The following MUC17 variants were observed in gnomAD, a reference collection of about 807,000 sequenced individuals.
The protein encoded by MUC17 is mucin 17, cell surface associated, also known as mucin-17.
A neutral mutation model predicts 170.3 loss-of-function variants in MUC17; 190 were observed. That is an observed-to-expected ratio of 1.12 (90% CI 0.99 to 1.26). The LOEUF (loss-of-function observed/expected upper bound fraction) is 1.26, where lower values mean the gene tolerates loss of function less well. Ranked by LOEUF, MUC17 falls within the 50% of genes most tolerant of loss-of-function variation. The pLI is 0.00. For missense variants in MUC17, 6,415 were observed against 5,530.0 expected (o/e 1.16, Z -5.08); for synonymous variants, 2,325 against 2,002.5 (o/e 1.16, Z -4.30).
intron 7 of MUC17, 52 bp downstream of exon 7, chr7:101,050,687 A>C: frequency 6.3e-7 from 1 of 1,587,332 alleles, no homozygotes; most frequent in Non-Finnish European, 8.6e-7. Flanking sequence ...GAGCTGGGGC[A>C]TGACTTTCTT....
Position 101,038,968 on chromosome 7 carries a change from A to C in MUC17, c.7552A>C (p.Thr2518Pro). 6.2e-7 allele frequency: 1 copy of C among 1,611,916 alleles called. No homozygotes were observed. The highest frequency in any genetic ancestry group is 8.5e-7 in the Non-Finnish European group (1 of 1,179,490). ...STASEGSTLL[T>P]SIPVSTTPVA... The stretch of plus-strand genomic sequence containing the variant: ...TGCTAGTGAAGGAAGTACTCTATTA[A>C]CAAGTATACCTGTCAGCACCACGCC... Residue 2518 changes from threonine to proline, a missense_variant, in exon 3 of 13, where the codon ACA (threonine) becomes CCA (proline). Transcript: ENST00000306151.
rs756770237 is a variant in MUC17 at position 101,038,622 on chromosome 7, G to A, written c.7206G>A (p.Val2402=). 6.2e-7 allele frequency: 1 copy of A among 1,613,960 alleles called. No individual in the cohort carries two copies. The highest frequency in any genetic ancestry group is 1.7e-4 in the Middle Eastern group (1 of 6,060). ...YSEGSTPLTS[V]PVSTMPVVSS... ...AAGGAAGCACTCCACTAACAAGTGT[G>A]CCTGTCAGCACCATGCCGGTGGTCA... Residue 2402 remains valine, a synonymous_variant, in exon 3 of 13, where the codon GTG becomes GTA. Coordinates refer to ENST00000306151, the MANE Select transcript of MUC17 (RefSeq NM_001040105.2).
chr7:101,023,371 A>G (rs1794128111), intron 1 of MUC17, among the ~76,000 whole-genome samples: 1 of 152,078 alleles, frequency 6.6e-6, no homozygotes, highest in Non-Finnish European at 1.5e-5. Context: ...ACCTTTCAAA[A>G]TTAAAAAGAA....
intron 1 of MUC17, among the ~76,000 whole-genome samples, chr7:101,029,343 G>A (rs1174051361): frequency 1.3e-5 from 2 of 151,996 alleles, no homozygotes; most frequent in African/African-American, 2.4e-5. Flanking sequence ...GCAACAGAGC[G>A]AGGCTCTGTC....
In MUC17 at chr7:101,040,969, T is replaced by G. The variant is rs1232072542; in HGVS notation, c.9553T>G (p.Ser3185Ala). Residue 3185 changes from serine to alanine, a missense_variant, in exon 3 of 13, where the codon TCA (serine) becomes GCA (alanine). Coordinates refer to ENST00000306151, the MANE Select transcript of MUC17 (RefSeq NM_001040105.2). ...LVVSSEDSTLSATPVDTSTPV... is the reference protein window; with the variant it reads ...LVVSSEDSTLAATPVDTSTPV... ...AGTCAGTTCTGAGGATAGCACCCTT[T>G]CAGCAACTCCTGTTGACACCAGCAC... The G allele has an allele frequency of 6.2e-7, 1 of 1,613,488 alleles. No homozygotes were observed. Among genetic ancestry groups the G allele is most frequent in the East Asian group, 2.2e-5 (1 of 44,806 alleles).
Position 101,041,721 on chromosome 7 carries a change from A to G in MUC17, c.10305A>G (p.Glu3435=). ...DSNTLVTTST[E]ASSSPTIAEG... is the part of the protein sequence containing the mutation. ...ACACTCTGGTGACCACTTCTACTGA[A>G]GCCAGTTCATCTCCTACAATCGCTG... Residue 3435 remains glutamate, a synonymous_variant, in exon 3 of 13, where the codon GAA becomes GAG. Transcript: ENST00000306151. 6.2e-7 allele frequency: 1 copy of G among 1,613,784 alleles called. No homozygotes were observed.
rs1453642808 is a variant in MUC17 at position 101,034,487 on chromosome 7, C to A, written c.3071C>A (p.Pro1024His). 1 of 1,614,106 alleles carries A rather than the reference C, an allele frequency of 6.2e-7. No individual in the cohort carries two copies. Among genetic ancestry groups the A allele is most frequent in the Non-Finnish European group, 8.5e-7 (1 of 1,179,994 alleles). The stretch of plus-strand genomic sequence containing the variant: ...ACTTCTACTGAAGCCAGTTCACCTC[C>A]TCCCACTGCTGAAGGTACCAGCATG... ...LTTSTEASSP[P>H]PTAEGTSMPT... The change falls in exon 3 of 13, where the codon CCT (proline) becomes CAT (histidine). Residue 1024 changes from proline (P) to histidine (H), a missense_variant. Transcript: ENST00000306151.
Position 101,037,086 on chromosome 7 carries a change from T to TC in MUC17, c.5673dup (p.Ala1892ArgfsTer21), listed in dbSNP as rs781575805. On this transcript the variant is annotated frameshift_variant, in exon 3 of 13. Transcript: ENST00000306151. LOFTEE classifies it high-confidence loss of function. ...CTGAAACCAACACCCTTTCAACAAC[T>TC]CCCGCTGTCACCAGCACACCTGTGA... is the stretch of plus-strand genomic sequence containing the variant. The TC allele has an allele frequency of 9.4e-5, 149 of 1,582,656 alleles. 1 individual carries two copies. Among genetic ancestry groups the TC allele is most frequent in the South Asian group, 3.2e-4 (26 of 80,526 alleles).
In MUC17 at chr7:101,040,380, A is replaced by G. The variant is rs1794655562; in HGVS notation, c.8964A>G (p.Pro2988=). The change falls in exon 3 of 13, where the codon CCA becomes CCG. Residue 2988 remains proline, a synonymous_variant. Transcript: ENST00000306151. ...PISTPGERRT[P]LTSMSVSTMP... Reference sequence around the variant, plus strand: ...CAACTCCTGGCGAAAGAAGAACTCCATTAACAAGTATGTCTGTCAGCACCA... The same window carrying G: ...CAACTCCTGGCGAAAGAAGAACTCCGTTAACAAGTATGTCTGTCAGCACCA... 6 of 1,612,024 alleles carry G rather than the reference A, an allele frequency of 3.7e-6. No individual in the cohort carries two copies. Among genetic ancestry groups the G allele is most frequent in the Non-Finnish European group, 5.1e-6 (6 of 1,179,390 alleles).
intron 2 of MUC17, 22 bp downstream of exon 2, chr7:101,031,243 T>A: frequency 6.2e-7 from 1 of 1,604,022 alleles, no homozygotes; most frequent in Middle Eastern, 1.7e-4. Context: ...GACTCCAAGA[T>A]CTATCTGGGA....
At chr7:101,049,595 G>A (rs1169424959) in intron 6 of MUC17, among the ~76,000 whole-genome samples, 1 of 152,148 alleles carries the variant, frequency 6.6e-6, no homozygotes, top group Non-Finnish European at 1.5e-5. Context: ...TGGTTTCTCT[G>A]GAGGCCTCTC....
chr7:101,040,341 C>T lies in MUC17; in HGVS notation c.8925C>T (p.Thr2975=), dbSNP rs747160966. ...CTTCTCCTACAACTGCTGAAGGTAC[C>T]AGCATGCCAATCTCAACTCCTGGCG... ...ASSSPTTAEG[T]SMPISTPGER... Residue 2975 remains threonine, a synonymous_variant, in exon 3 of 13, where the codon ACC becomes ACT. Transcript: ENST00000306151. 5.0e-6 allele frequency: 8 copies of T among 1,612,826 alleles called. No homozygotes were observed. The highest frequency in any genetic ancestry group is 6.8e-6 in the Non-Finnish European group (8 of 1,179,562).
intron 12 of MUC17, among the ~76,000 whole-genome samples, 189 bp downstream of exon 12, chr7:101,056,459 G>A (rs1028765838): frequency 6.6e-6 from 1 of 152,180 alleles, no homozygotes; most frequent in African/African-American, 2.4e-5. Flanking sequence ...TAAGTAGCAA[G>A]GTGGAATCAC....
chr7:101,043,840 T>G, intron 3 of MUC17, 21 bp downstream of exon 3: 1 of 1,570,516 alleles, frequency 6.4e-7, no homozygotes, highest in Non-Finnish European at 8.6e-7. Flanking sequence ...TCTTGAATTT[T>G]CCTTTTTTTT....
chr7:101,025,464 A>G (rs1414671716), intron 1 of MUC17, among the ~76,000 whole-genome samples: 2 of 151,924 alleles, frequency 1.3e-5, no homozygotes, highest in African/African-American at 4.8e-5. Context: ...GGAGTTTAAG[A>G]CCAGCCTGGC....
chr7:101,025,368 A>G (rs1038599449), intron 1 of MUC17, among the ~76,000 whole-genome samples: 3 of 151,608 alleles, frequency 2.0e-5, no homozygotes, highest in African/African-American at 7.3e-5. Flanking sequence ...GTCTTAAGAA[A>G]AAAAAAAAAA....
intron 1 of MUC17, among the ~76,000 whole-genome samples, chr7:101,024,738 CT>C (rs35811119): frequency 0.01 from 1,291 of 125,432 alleles, 8 homozygotes; most frequent in East Asian, 0.035. Flanking sequence ...CTGTCTCCTC[CT>C]TTTTTTTTTT....
Position 101,031,874 on chromosome 7 carries a change from G to A in MUC17, c.458G>A (p.Ser153Asn), listed in dbSNP as rs1299667350. Residue 153 changes from serine (S) to asparagine (N), a missense_variant, in exon 3 of 13, where the codon AGT (serine) becomes AAT (asparagine). Physicochemically the swap from Ser to Asn is conservative, Grantham distance 46. Coordinates refer to ENST00000306151, the MANE Select transcript of MUC17 (RefSeq NM_001040105.2). ...ACCGACGTGCCCATGTCAACACCAAGTGAAGAAAGCATTTCATCAACAATG... is the reference window on the plus strand; with the variant it reads ...ACCGACGTGCCCATGTCAACACCAAATGAAGAAAGCATTTCATCAACAATG... ...EGTDVPMSTP[S>N]EESISSTMAF... The A allele has an allele frequency of 6.2e-7, 1 of 1,614,158 alleles. No homozygotes were observed. The highest frequency in any genetic ancestry group is 1.1e-5 in the South Asian group (1 of 91,076).
chr7:101,042,288 C>G lies in MUC17; in HGVS notation c.10872C>G (p.Thr3624=). 1 of 1,613,894 alleles carries G rather than the reference C, an allele frequency of 6.2e-7. No individual in the cohort carries two copies. The highest frequency in any genetic ancestry group is 8.5e-7 in the Non-Finnish European group (1 of 1,179,994). ...CTCCTACACCTCCTGAAGTTATCACCCTGCCAATGTCAACTCCTAGTGAAG... is the reference window on the plus strand; with the variant it reads ...CTCCTACACCTCCTGAAGTTATCACGCTGCCAATGTCAACTCCTAGTGAAG... ...NSTPTPPEVI[T]LPMSTPSEVS... The change falls in exon 3 of 13, where the codon ACC becomes ACG. Residue 3624 remains threonine, a synonymous_variant. Coordinates refer to ENST00000306151, the MANE Select transcript of MUC17 (RefSeq NM_001040105.2).
Sources: allele counts gnomAD v4.1 joint callset (sites outside exome capture counted in the v4.1 genomes callset), GRCh38; gene constraint gnomAD v4.1.1; transcripts MANE v1.5; gene names NCBI Gene and HGNC (gene_info 2026-07-23, HGNC 2026-07-21).